Variants in TRMT11 observed in about 807,000 individuals in gnomAD.
TRMT11 encodes the protein tRNA methyltransferase 11.
TRMT11 carries 53 observed loss-of-function variants against 62.8 expected under a neutral mutation model. The observed-to-expected ratio is 0.84, with a 90% CI of 0.68 to 1.06. TRMT11 has a LOEUF of 1.06. Ranked by LOEUF, TRMT11 falls within the 50% of genes least tolerant of loss-of-function variation. TRMT11 has a pLI of 0.00. For synonymous variants in TRMT11, 188 were observed against 190.3 expected, an observed-to-expected ratio of 0.99 and a Z score of 0.10; for missense variants, 556 against 553.4, an observed-to-expected ratio of 1.00 and a Z score of -0.05.
chr6:126,257,780 A>T, the TRMT11 span: 1 of 597,794 alleles, frequency 1.7e-6, no homozygotes, highest in Non-Finnish European at 2.9e-6. Context: ...AAGAACCCCA[A>T]AAATGGAAAA....
At chr6:126,262,106 A>G in the TRMT11 span, among the ~76,000 whole-genome samples, 4 of 152,190 alleles carry the variant, frequency 2.6e-5, no homozygotes, top group African/African-American at 9.6e-5. Flanking sequence ...TGGAACCTGA[A>G]GTTTTGCAGC....
In TRMT11 at chr6:126,192,880, G is replaced by A. The variant is rs566376465; in HGVS notation, n.144-5919G>A. On this transcript the variant is annotated intron_variant and non_coding_transcript_variant, in intron 1 of 3. Transcript: ENST00000444229. ...ATCTACATTTATCAGGTATATTGGC[G>A]TATAGTTTTATTTTTGTTTGTATGT... Among the ~76,000 whole-genome samples, 217 of 152,154 alleles carry A rather than the reference G, an allele frequency of 1.4e-3. No homozygotes were observed. The Middle Eastern group carries it at 0.027, about 19-fold the overall frequency.
In TRMT11 at chr6:126,145,794, G is replaced by T. The variant is rs182224986; in HGVS notation, c.*1824-29031G>T. Among the ~76,000 whole-genome samples the T allele has an allele frequency of 3.1e-3, 477 of 152,106 alleles. 1 individual carries two copies. The highest frequency in any genetic ancestry group is 0.011 in the African/African-American group (454 of 41,482). ...TCTAGCTCTCTATTTCTCCCATTCA[G>T]CTGAGCTAAAATTAAATTTTAAATT... On this transcript the variant is annotated intron_variant and NMD_transcript_variant, in intron 21 of 22. Transcript: ENST00000648977.
the TRMT11 span, among the ~76,000 whole-genome samples, chr6:126,247,481 C>CTATCTGTT: frequency 2.7e-5 from 4 of 148,354 alleles, no homozygotes; most frequent in African/African-American, 9.9e-5. Flanking sequence ...ATCTATCTAT[C>CTATCTGTT]TATCTATCTA....
At chr6:126,093,714 A>C (rs1234814285) in intron 17 of TRMT11, among the ~76,000 whole-genome samples, 4 of 148,840 alleles carry the variant, frequency 2.7e-5, no homozygotes, top group Non-Finnish European at 5.9e-5. Flanking sequence ...AACTCCTTAG[A>C]GTGTTATAAA....
chr6:126,030,974 T>C (rs1774086019), intron 12 of TRMT11, among the ~76,000 whole-genome samples: 1 of 152,202 alleles, frequency 6.6e-6, no homozygotes, highest in Non-Finnish European at 1.5e-5. Flanking sequence ...TTTGACTTGA[T>C]CATTATATTG....
At chr6:126,009,170 A>T (rs1793812357) in intron 8 of TRMT11, among the ~76,000 whole-genome samples, 1 of 152,002 alleles carries the variant, frequency 6.6e-6, no homozygotes, top group Admixed American at 6.6e-5. Flanking sequence ...TATCACCAAA[A>T]TTATTCACTA....
At position 126,188,103 on chromosome 6, in the gene TRMT11, A is replaced by C. The variant is rs187746071; in HGVS notation, n.144-10696A>C. ...AAAAGCACGAATTTTAAAAGAACAC[A>C]ATTCATAAAATAAACTTTATCAAAA... On this transcript the variant is annotated intron_variant and non_coding_transcript_variant, in intron 1 of 3. Coordinates refer to the TRMT11 transcript ENST00000444229. Among the ~76,000 whole-genome samples the C allele has an allele frequency of 4.6e-5, 7 of 152,060 alleles. No homozygotes were observed. In the East Asian group the frequency reaches 1.3e-3, roughly 29 times the overall value.
intron 21 of TRMT11, among the ~76,000 whole-genome samples, chr6:126,161,839 T>A (rs1263409297): frequency 6.6e-6 from 1 of 152,236 alleles, no homozygotes; most frequent in East Asian, 1.9e-4. Flanking sequence ...TGAACAGTGA[T>A]GATGAGCTTT....
chr6:126,020,078 G>T (rs1362329354), intron 11 of TRMT11, among the ~76,000 whole-genome samples: 3 of 152,212 alleles, frequency 2.0e-5, no homozygotes, highest in Non-Finnish European at 4.4e-5. Context: ...GCTCGTTGAA[G>T]GTCAGTGGGA....
intron 21 of TRMT11, among the ~76,000 whole-genome samples, chr6:126,152,074 G>A (rs927584258): frequency 3.7e-5 from 5 of 134,758 alleles, no homozygotes; most frequent in African/African-American, 1.1e-4. Flanking sequence ...TCTGTTACAG[G>A]CAGCATGTAT....
chr6:126,045,148 A>G (rs1039802831), intron 16 of TRMT11, among the ~76,000 whole-genome samples: 2 of 151,652 alleles, frequency 1.3e-5, no homozygotes, highest in Non-Finnish European at 2.9e-5. Flanking sequence ...AGATTACACC[A>G]CTGCACTCCA....
chr6:126,095,048 A>G (rs1266635726), intron 17 of TRMT11, among the ~76,000 whole-genome samples: 3 of 152,224 alleles, frequency 2.0e-5, no homozygotes, highest in Non-Finnish European at 4.4e-5. Context: ...AAGACGAACT[A>G]TGAAACTCAG....
At chr6:126,171,916 A>G (rs994356027) in intron 21 of TRMT11, among the ~76,000 whole-genome samples, 9 of 152,006 alleles carry the variant, frequency 5.9e-5, no homozygotes, top group African/African-American at 2.2e-4. Flanking sequence ...GAAAGGTTTC[A>G]TCATATTGGC....
chr6:126,081,451 G>C (rs905002483), intron 17 of TRMT11, among the ~76,000 whole-genome samples: 3 of 152,124 alleles, frequency 2.0e-5, no homozygotes, highest in Non-Finnish European at 4.4e-5. Flanking sequence ...ATATTGACTG[G>C]CTCTAATAAG....
At chr6:126,227,109 T>C in the TRMT11 span, among the ~76,000 whole-genome samples, 1 of 152,236 alleles carries the variant, frequency 6.6e-6, no homozygotes, top group Middle Eastern at 3.2e-3. Context: ...GTATTCTTTA[T>C]TAGCAGCATG....
At chr6:126,077,537 C>T (rs371955459) in intron 17 of TRMT11, among the ~76,000 whole-genome samples, 154 of 152,234 alleles carry the variant, frequency 1.0e-3, no homozygotes, top group African/African-American at 3.5e-3. Context: ...TACTGGAAAC[C>T]TCTATCTGGA....
intron 21 of TRMT11, among the ~76,000 whole-genome samples, chr6:126,154,325 A>ATGTGTGTG (rs752384256): frequency 6.8e-6 from 1 of 148,050 alleles, no homozygotes; most frequent in African/African-American, 2.6e-5. Context: ...TAATAAAGAT[A>ATGTGTGTG]TGTGTGTGTG....
chr6:126,081,360 C>G (rs925067863), intron 17 of TRMT11, among the ~76,000 whole-genome samples: 2 of 152,168 alleles, frequency 1.3e-5, no homozygotes, highest in Non-Finnish European at 2.9e-5. Context: ...TCAATTCTTT[C>G]TTCTATTATA....
Sources: allele counts gnomAD v4.1 joint callset (sites outside exome capture counted in the v4.1 genomes callset), GRCh38; gene constraint gnomAD v4.1.1; transcripts MANE v1.5; gene names NCBI Gene and HGNC (gene_info 2026-07-23, HGNC 2026-07-21).